The following UTP6 variants were observed in gnomAD, a reference collection of about 807,000 sequenced individuals.
UTP6 encodes the protein UTP6 small subunit processome component.
Under a neutral mutation model 96.5 loss-of-function variants are expected in UTP6, and 60 were observed. That is an observed-to-expected ratio of 0.62 (90% CI 0.51 to 0.77). UTP6 has a LOEUF of 0.77. Among genes scored for constraint, UTP6 ranks in the 30% least tolerant of loss-of-function variants. UTP6 has a pLI of 0.00. For missense variants in UTP6, 637 were observed against 706.5 expected (o/e 0.90, Z 1.12); for synonymous variants, 215 against 240.1 (o/e 0.90, Z 0.96).
Position 31,873,237 on chromosome 17 carries a change from G to C in UTP6, c.1496+141C>G, listed in dbSNP as rs748460524. ...CCACTGCACTCCAGCCTGGGCAACA[G>C]AGCAAGACTCCATCTTAAAAAAAAA... On this transcript the variant is annotated intron_variant, in intron 16 of 18. Coordinates refer to ENST00000261708, the MANE Select transcript of UTP6 (RefSeq NM_018428.3). The C allele has an allele frequency of 4.3e-4, 317 of 737,076 alleles. 1 individual carries two copies. The highest frequency in any genetic ancestry group is 6.1e-4 in the Non-Finnish European group (277 of 457,772). The allele number at this position is 737,076 out of a possible 1,614,324, so 45.7% of individuals were successfully genotyped here. A position where few individuals can be genotyped will look rare whatever the true frequency, so the allele number is the denominator to read the frequency against.
At chr17:31,878,434 C>G in intron 12 of UTP6, 107 bp from the exon 13 acceptor site, 1 of 1,115,152 alleles carries the variant, frequency 9.0e-7, no homozygotes, top group Non-Finnish European at 1.3e-6. Flanking sequence ...TTCAAAGAAG[C>G]TGACTTGCTC....
chr17:31,866,221 A>C (rs1280672407), intron 17 of UTP6, among the ~76,000 whole-genome samples: 1 of 144,312 alleles, frequency 6.9e-6, no homozygotes, highest in Non-Finnish European at 1.5e-5. Flanking sequence ...TAGGAGGTGG[A>C]GCTTGCAGTG....
chr17:31,890,623 A>G (rs1911434654), intron 6 of UTP6, among the ~76,000 whole-genome samples: 1 of 151,340 alleles, frequency 6.6e-6, no homozygotes, highest in African/African-American at 2.4e-5. Context: ...ATGTCAAAAA[A>G]AAAAGTCCAG....
At position 31,862,305 on chromosome 17, in the gene UTP6, AGAC is replaced by A. The variant is rs1299242620; in HGVS notation, c.*1051_*1053del. The A allele has an allele frequency of 2.0e-4, 31 of 152,212 alleles. No homozygotes were observed. Among genetic ancestry groups the A allele is most frequent in the African/African-American group, 7.5e-4 (31 of 41,520 alleles). 9.4% of individuals were successfully genotyped at this position (152,212 alleles called of 1,614,324 possible). The stretch of plus-strand genomic sequence containing the variant: ...GCAAGGCTCCATCTCAAAAAAAAAA[AGAC>A]AGTCTAACCAGAGGATTAGTAAAAT... On this transcript the variant is annotated 3_prime_UTR_variant, in exon 19 of 19. Coordinates refer to ENST00000261708, the MANE Select transcript of UTP6 (RefSeq NM_018428.3).
chr17:31,877,336 G>T (rs1910553099), intron 13 of UTP6, among the ~76,000 whole-genome samples: 1 of 152,126 alleles, frequency 6.6e-6, no homozygotes, highest in African/African-American at 2.4e-5. Flanking sequence ...AAAATTAAAT[G>T]ACAGTATATA....
intron 10 of UTP6, among the ~76,000 whole-genome samples, chr17:31,883,616 G>C (rs1291883683): frequency 2.6e-5 from 4 of 151,530 alleles, no homozygotes; most frequent in Non-Finnish European, 5.9e-5. Flanking sequence ...TGCCTGGCTA[G>C]ATTTTTTTTT....
chr17:31,876,941 G>A (rs1361174476), intron 13 of UTP6, among the ~76,000 whole-genome samples: 1 of 152,194 alleles, frequency 6.6e-6, no homozygotes, highest in Non-Finnish European at 1.5e-5. Flanking sequence ...AAACCTGGGA[G>A]GAGGAAGTTG....
intron 2 of UTP6, among the ~76,000 whole-genome samples, chr17:31,898,987 G>A (rs1213262533): frequency 2.0e-5 from 3 of 152,096 alleles, no homozygotes; most frequent in Non-Finnish European, 2.9e-5. Context: ...AGCCAAGATC[G>A]CGCCACTGCA....
At chr17:31,899,329 G>A (rs1028130698) in intron 2 of UTP6, among the ~76,000 whole-genome samples, 5 of 152,196 alleles carry the variant, frequency 3.3e-5, no homozygotes, top group East Asian at 1.9e-4. Context: ...ATTATTGGCC[G>A]GGCACTGTGG....
In UTP6 at chr17:31,878,345, C is replaced by T; in HGVS notation, c.1048-18G>A. ...TCCAACCTCTGAAAACAGAAAAATCCCTCAGTTCATTACAAAGATCCCAGC... is the reference window on the plus strand; with the variant it reads ...TCCAACCTCTGAAAACAGAAAAATCTCTCAGTTCATTACAAAGATCCCAGC... On this transcript the variant is annotated intron_variant, in intron 12 of 18. Coordinates refer to ENST00000261708, the MANE Select transcript of UTP6 (RefSeq NM_018428.3). 2 of 1,613,658 alleles carry T rather than the reference C, an allele frequency of 1.2e-6. No individual in the cohort carries two copies. Among genetic ancestry groups the T allele is most frequent in the Non-Finnish European group, 1.7e-6 (2 of 1,179,618 alleles).
In UTP6 at chr17:31,868,040, A is replaced by C. The variant is rs1331672262; in HGVS notation, c.1563+6T>G. 3 of 1,612,592 alleles carry C rather than the reference A, an allele frequency of 1.9e-6. No homozygotes were observed. Among genetic ancestry groups the C allele is most frequent in the Non-Finnish European group, 2.5e-6 (3 of 1,179,138 alleles). On this transcript the variant is annotated splice_donor_region_variant and intron_variant, in intron 17 of 18. Transcript: ENST00000261708. ...CAGACAAGAAATGCTGAAACAGAACACTTACTTGCTCCTTTTCAAACTGAA... is the reference window on the plus strand; with the variant it reads ...CAGACAAGAAATGCTGAAACAGAACCCTTACTTGCTCCTTTTCAAACTGAA...
At chr17:31,868,436 C>A (rs1277568871) in intron 16 of UTP6, among the ~76,000 whole-genome samples, 1 of 141,812 alleles carries the variant, frequency 7.1e-6, no homozygotes, top group East Asian at 2.3e-4. Flanking sequence ...CTCAAGCAAT[C>A]CTCCTGCCTT....
At chr17:31,869,047 G>T (rs2142290426) in intron 16 of UTP6, among the ~76,000 whole-genome samples, 1 of 152,236 alleles carries the variant, frequency 6.6e-6, no homozygotes, top group Non-Finnish European at 1.5e-5. Context: ...GGAGGCGGAG[G>T]CTGCAGGGAG....
chr17:31,875,512 A>C, intron 13 of UTP6, 99 bp from the exon 14 acceptor site: 2 of 1,330,624 alleles, frequency 1.5e-6, no homozygotes, highest in Non-Finnish European at 2.1e-6. Context: ...AATTTCACCA[A>C]CCTTTCCACT....
At position 31,901,679 on chromosome 17, in the gene UTP6, C is replaced by G; in HGVS notation, c.-52G>C. The G allele has an allele frequency of 6.4e-7, 1 of 1,573,684 alleles. No homozygotes were observed. Among genetic ancestry groups the G allele is most frequent in the Non-Finnish European group, 8.7e-7 (1 of 1,148,882 alleles). On this transcript the variant is annotated 5_prime_UTR_variant, in exon 1 of 19. Transcript: ENST00000261708. ...GTAGCTTCTCAACAGCGAACACGAG[C>G]AGGAAGCTCCCGGTTTCAGGTTCGG...
rs1471037171 is a variant in UTP6, at chr17:31,863,034, C to CG, written c.*324_*325insC. ...GCCTCAACATTAAATCAGCAATTCT[C>CG]TTTACTGGAATCAGATTAGCACATC... is the stretch of plus-strand genomic sequence containing the variant. On this transcript the variant is annotated 3_prime_UTR_variant, in exon 19 of 19. Coordinates refer to ENST00000261708, the MANE Select transcript of UTP6 (RefSeq NM_018428.3). 1 of 223,472 alleles carries CG rather than the reference C, an allele frequency of 4.5e-6. No homozygotes were observed. The highest frequency in any genetic ancestry group is 5.1e-5 in the Admixed American group (1 of 19,498). 13.8% of individuals were successfully genotyped at this position (223,472 alleles called of 1,614,324 possible).
chr17:31,868,415 G>A (rs1909965418), intron 16 of UTP6, among the ~76,000 whole-genome samples: 1 of 132,564 alleles, frequency 7.5e-6, no homozygotes, highest in African/African-American at 2.8e-5. Context: ...CTGCAGCCCT[G>A]AATTCCCAGG....
rs1316727219 is a variant in UTP6, at chr17:31,880,585, T to C, written c.955A>G (p.Thr319Ala). 1 of 1,613,896 alleles carries C rather than the reference T, an allele frequency of 6.2e-7. No homozygotes were observed. The highest frequency in any genetic ancestry group is 8.5e-7 in the Non-Finnish European group (1 of 1,179,994). Residue 319 changes from threonine to alanine, a missense_variant, in exon 11 of 19, where the codon ACT (threonine) becomes GCT (alanine). Physicochemically the swap from Thr to Ala is moderately conservative, Grantham distance 58. Coordinates refer to ENST00000261708, the MANE Select transcript of UTP6 (RefSeq NM_018428.3). ...TGGTGAAGTTCACCTGTTGGCAGAG[T>C]CTTCACTGCCTCTTCATACACAGCA... is the stretch of plus-strand genomic sequence containing the variant. Reference protein sequence around the residue: ...CCAVYEEAVKTLPTEAMWKCY... With the variant: ...CCAVYEEAVKALPTEAMWKCY...
rs375515944 is a variant in UTP6, at chr17:31,894,285, GAA to G, written c.312+358_312+359del. ...CCTTATCTCAAAAAAAAAAAAAAAA[GAA>G]AAAAAAAAAAATCAAGTTTCTGAGG... On this transcript the variant is annotated intron_variant, in intron 4 of 18. Transcript: ENST00000261708. Among the ~76,000 whole-genome samples the G allele has an allele frequency of 9.2e-4, 116 of 125,472 alleles. 1 individual carries two copies. Among genetic ancestry groups the G allele is most frequent in the African/African-American group, 2.5e-3 (85 of 34,180 alleles). 82.3% of individuals were successfully genotyped at this position (125,472 alleles called of 152,430 possible).
Sources: allele counts gnomAD v4.1 joint callset (sites outside exome capture counted in the v4.1 genomes callset), GRCh38; gene constraint gnomAD v4.1.1; transcripts MANE v1.5; gene names NCBI Gene and HGNC (gene_info 2026-07-23, HGNC 2026-07-21).